Variants in NR3C1 observed in about 807,000 individuals in gnomAD.
NR3C1 encodes nuclear receptor subfamily 3 group C member 1, also known as glucocorticoid receptor.
A neutral mutation model predicts 74.0 loss-of-function variants in NR3C1; 14 were observed. The ratio of observed to expected loss-of-function variants is 0.19; its 90% CI spans 0.12 to 0.30. The LOEUF (loss-of-function observed/expected upper bound fraction) is 0.30, where lower values mean the gene tolerates loss of function less well. NR3C1 is among the 10% of genes least tolerant of loss of function. The pLI, the probability that NR3C1 is intolerant of heterozygous loss-of-function variation, is 1.00. For synonymous variants in NR3C1, 308 were observed against 332.5 expected, an observed-to-expected ratio of 0.93 and a Z score of 0.80; for missense variants, 695 against 909.8, an observed-to-expected ratio of 0.76 and a Z score of 3.04.
rs1839969367 is a variant in NR3C1 at position 143,400,052 on chromosome 5, A to G, written c.788T>C (p.Leu263Pro). Residue 263 changes from leucine to proline, a missense_variant, in exon 2 of 9, where the codon CTG becomes CCG. This residue lies in a region of NR3C1 where 497 missense variants were observed against 489.5 expected (regional missense o/e 1.02). Transcript: ENST00000394464. ...TACATTACTGGGGCTTGACAAAACC[A>G]GATCTCCATTATCCTTAATTTTGGG... ...TKPKIKDNGD[L>P]VLSSPSNVTL... is the part of the protein sequence containing the mutation. 6.2e-7 allele frequency: 1 copy of G among 1,614,092 alleles called. No individual in the cohort carries two copies. Among genetic ancestry groups the G allele is most frequent in the Non-Finnish European group, 8.5e-7 (1 of 1,180,054 alleles).
intron 1 of NR3C1, among the ~76,000 whole-genome samples, chr5:143,430,609 C>T (rs943237430): frequency 1.3e-5 from 2 of 152,094 alleles, no homozygotes; most frequent in African/African-American, 4.8e-5. Flanking sequence ...ATGAAAGAGT[C>T]TCGGAAGAGC....
At chr5:143,370,151 C>T (rs1323532969) in intron 2 of NR3C1, among the ~76,000 whole-genome samples, 3 of 152,146 alleles carry the variant, frequency 2.0e-5, no homozygotes, top group Admixed American at 6.5e-5. Flanking sequence ...TCCCTTTGCC[C>T]ATGCTGCCCT....
chr5:143,324,706 T>C (rs1824188897), intron 2 of NR3C1, among the ~76,000 whole-genome samples: 1 of 152,214 alleles, frequency 6.6e-6, no homozygotes, highest in African/African-American at 2.4e-5. Context: ...GGCTGCAAAT[T>C]TTCTGAAGTT....
intron 2 of NR3C1, among the ~76,000 whole-genome samples, chr5:143,358,115 AT>A (rs1338871954): frequency 6.6e-6 from 1 of 152,204 alleles, no homozygotes; most frequent in Non-Finnish European, 1.5e-5. Flanking sequence ...GCGGGTAAGG[AT>A]TTGGGTAGAT....
chr5:143,282,145 A>G, intron 8 of NR3C1, 104 bp from the exon 9 acceptor site: 1 of 1,161,834 alleles, frequency 8.6e-7, no homozygotes, highest in Non-Finnish European at 1.3e-6. Flanking sequence ...CCTAGAATAT[A>G]CCAATCTCAC....
rs532031504 is a variant in NR3C1 at position 143,410,977 on chromosome 5, ATTAT to A, written c.-13-10129_-13-10126del. Among the ~76,000 whole-genome samples the A allele has an allele frequency of 3.0e-3, 457 of 152,310 alleles. 6 individuals carry two copies. The highest frequency in any genetic ancestry group is 0.011 in the African/African-American group (445 of 41,574). On this transcript the variant is annotated intron_variant, in intron 1 of 8. Coordinates refer to the NR3C1 transcript ENST00000343796. Reference sequence around the variant, plus strand: ...AATCACAGTCATTATTAAAAACCAAATTATTTATAAACTCACAATCAAATATTTT... The same window carrying A: ...AATCACAGTCATTATTAAAAACCAAATTATAAACTCACAATCAAATATTTT...
intron 1 of NR3C1, among the ~76,000 whole-genome samples, chr5:143,424,143 C>T (rs1201497591): frequency 6.6e-6 from 1 of 151,634 alleles, no homozygotes. Context: ...AGCGCACCAC[C>T]ATGGCACATG....
intron 7 of NR3C1, chr5:143,294,444 T>C (rs1489966442): frequency 8.3e-6 from 4 of 480,828 alleles, no homozygotes; most frequent in Non-Finnish European, 1.1e-5. Flanking sequence ...CACAGCAAAA[T>C]TGGGAGGAAG....
chr5:143,357,176 T>C (rs977234370), intron 2 of NR3C1, among the ~76,000 whole-genome samples: 3 of 152,216 alleles, frequency 2.0e-5, no homozygotes, highest in African/African-American at 4.8e-5. Context: ...GCTAGTGTAT[T>C]TGCCACAGGA....
intron 7 of NR3C1, among the ~76,000 whole-genome samples, chr5:143,291,637 T>A (rs1405805443): frequency 6.6e-6 from 1 of 152,214 alleles, no homozygotes; most frequent in Non-Finnish European, 1.5e-5. Flanking sequence ...TTTAAAGTAA[T>A]TACTGATACA....
At chr5:143,404,558 C>A, upstream of NR3C1, 1 of 965,336 alleles carries the variant, frequency 1.0e-6, no homozygotes, top group South Asian at 4.9e-5. Flanking sequence ...GCGGCGGCGG[C>A]GGCAGAAGGA....
chr5:143,427,263 G>GT (rs1402028772), intron 1 of NR3C1, among the ~76,000 whole-genome samples: 1 of 151,956 alleles, frequency 6.6e-6, no homozygotes, highest in African/African-American at 2.4e-5. Context: ...CGATAGCATA[G>GT]TTTTTTAATA....
chr5:143,404,589 AC>A, upstream of NR3C1: 1 of 920,054 alleles, frequency 1.1e-6, no homozygotes, highest in Non-Finnish European at 1.3e-6. Context: ...GCCAAGTTCA[AC>A]CCCCACCCCT....
intron 2 of NR3C1, among the ~76,000 whole-genome samples, chr5:143,397,956 C>T (rs961934936): frequency 3.3e-5 from 5 of 151,794 alleles, no homozygotes; most frequent in African/African-American, 1.2e-4. Flanking sequence ...AAAATGAAAA[C>T]CATGCCATGA....
At chr5:143,353,001 T>A (rs1304654272) in intron 2 of NR3C1, among the ~76,000 whole-genome samples, 1 of 152,246 alleles carries the variant, frequency 6.6e-6, no homozygotes, top group Non-Finnish European at 1.5e-5. Context: ...ATGAATCCAC[T>A]CAAACCATGC....
At chr5:143,404,391 A>G (rs1054095567), upstream of NR3C1, 9 of 983,544 alleles carry the variant, frequency 9.2e-6, no homozygotes, top group South Asian at 4.7e-5. Context: ...GCCCGGGGGG[A>G]GTCGCGTGCC....
chr5:143,417,639 G>C (rs926890472), intron 1 of NR3C1, among the ~76,000 whole-genome samples: 4 of 151,974 alleles, frequency 2.6e-5, no homozygotes, highest in South Asian at 2.1e-4. Flanking sequence ...TTATTATTAC[G>C]CTTTCAGAAA....
At chr5:143,362,938 T>C (rs370343268) in intron 2 of NR3C1, among the ~76,000 whole-genome samples, 2 of 152,258 alleles carry the variant, frequency 1.3e-5, no homozygotes, top group African/African-American at 2.4e-5. Flanking sequence ...CCTGGAAATC[T>C]AGAGGGCCAC....
Position 143,307,600 on chromosome 5 carries a change from A to C in NR3C1, c.1468+2497T>G, listed in dbSNP as rs539854011. Reference sequence around the variant, plus strand: ...AACCACAATATATTAGAGATACGACAGAATTTTATTTGGGTTTGTCCTTTG... The same window carrying C: ...AACCACAATATATTAGAGATACGACCGAATTTTATTTGGGTTTGTCCTTTG... On this transcript the variant is annotated intron_variant, in intron 4 of 8. Coordinates refer to ENST00000394464, the MANE Select transcript of NR3C1 (RefSeq NM_000176.3). Among the ~76,000 whole-genome samples, 5 of 152,356 alleles carry C rather than the reference A, an allele frequency of 3.3e-5. No individual in the cohort carries two copies. In the South Asian group the frequency reaches 1.0e-3, roughly 32 times the overall value.
Sources: allele counts gnomAD v4.1 joint callset (sites outside exome capture counted in the v4.1 genomes callset), GRCh38; gene constraint gnomAD v4.1.1; regional missense constraint gnomAD v4.1.1; transcripts MANE v1.5; gene names NCBI Gene and HGNC (gene_info 2026-07-23, HGNC 2026-07-21).